The following CNTN5 variants were observed in gnomAD, a reference collection of about 807,000 sequenced individuals.
CNTN5 encodes the protein contactin-5.
Under a neutral mutation model 129.1 loss-of-function variants are expected in CNTN5, and 77 were observed. The observed-to-expected ratio is 0.60, with a 90% CI of 0.50 to 0.72. CNTN5 has a LOEUF of 0.72. Ranked by LOEUF, CNTN5 falls within the 30% of genes least tolerant of loss-of-function variation. The pLI is 0.00. For synonymous variants in CNTN5, 509 were observed against 465.6 expected (o/e 1.09, Z -1.20); for missense variants, 1,478 against 1,328.8 (o/e 1.11, Z -1.75).
At chr11:100,110,998 GT>G (rs1373356765) in intron 13 of CNTN5, among the ~76,000 whole-genome samples, 3 of 109,078 alleles carry the variant, frequency 2.8e-5, no homozygotes, top group African/African-American at 1.2e-4. Context: ...TTCTTGAAGT[GT>G]TAATGCAAAA....
At chr11:99,716,678 T>C (rs1955249632) in intron 3 of CNTN5, among the ~76,000 whole-genome samples, 1 of 152,064 alleles carries the variant, frequency 6.6e-6, no homozygotes. Flanking sequence ...AGAATTAATA[T>C]TGCAACCAGC....
intron 2 of CNTN5, among the ~76,000 whole-genome samples, chr11:99,505,076 C>T (rs896440768): frequency 1.3e-5 from 2 of 152,284 alleles, no homozygotes; most frequent in Non-Finnish European, 2.9e-5. Flanking sequence ...ATGGCCTCTT[C>T]TCAAGACTCA....
In CNTN5 at chr11:100,171,054, T is replaced by G. The variant is rs145918847; in HGVS notation, c.1581-20072T>G. Among the ~76,000 whole-genome samples the G allele has an allele frequency of 2.2e-3, 328 of 152,030 alleles. 1 individual carries two copies. The highest frequency in any genetic ancestry group is 7.5e-3 in the African/African-American group (312 of 41,486). ...TGTTATTGTACTGACTGCCACTGTA[T>G]TTTACAATGCCACACATAAAAGTTG... On this transcript the variant is annotated intron_variant, in intron 13 of 24. Transcript: ENST00000524871.
At chr11:100,138,704 TTGAG>T (rs1291407262) in intron 13 of CNTN5, among the ~76,000 whole-genome samples, 1 of 152,042 alleles carries the variant, frequency 6.6e-6, no homozygotes, top group African/African-American at 2.4e-5. Context: ...ATTTTTCACT[TTGAG>T]TGATATAGAA....
chr11:99,105,059 A>T (rs1430186381), intron 1 of CNTN5, among the ~76,000 whole-genome samples: 1 of 152,162 alleles, frequency 6.6e-6, no homozygotes, highest in Non-Finnish European at 1.5e-5. Context: ...TAGTCTCCTC[A>T]TCACTAAAAG....
intron 2 of CNTN5, among the ~76,000 whole-genome samples, chr11:99,438,612 T>A (rs1448272406): frequency 2.0e-5 from 3 of 152,146 alleles, no homozygotes; most frequent in African/African-American, 7.2e-5. Context: ...AATTTATAAA[T>A]ATATTTATGT....
At chr11:99,074,871 A>C (rs1865496478) in intron 1 of CNTN5, among the ~76,000 whole-genome samples, 1 of 152,228 alleles carries the variant, frequency 6.6e-6, no homozygotes, top group African/African-American at 2.4e-5. Context: ...CTTAAATTAC[A>C]ACATGTACCA....
Position 99,553,909 on chromosome 11 carries a change from A to C in CNTN5, c.-70-2236A>C, listed in dbSNP as rs146623311. On this transcript the variant is annotated intron_variant, in intron 2 of 24. Coordinates refer to ENST00000524871, the MANE Select transcript of CNTN5 (RefSeq NM_014361.4). ...AAGAAATATTATGTTGTGTGTATTT[A>C]AGAAATATTATTTTGTTTATGCCCT... Among the ~76,000 whole-genome samples the C allele has an allele frequency of 2.6e-5, 4 of 151,606 alleles. No homozygotes were observed. In the East Asian group the frequency reaches 7.8e-4, roughly 29 times the overall value.
At chr11:99,864,067 G>A (rs560984845) in intron 6 of CNTN5, among the ~76,000 whole-genome samples, 1 of 152,158 alleles carries the variant, frequency 6.6e-6, no homozygotes, top group Non-Finnish European at 1.5e-5. Flanking sequence ...GCTCACGGAT[G>A]TATCTCAAGT....
chr11:99,568,660 C>G (rs1284058366), intron 3 of CNTN5, among the ~76,000 whole-genome samples: 1 of 152,048 alleles, frequency 6.6e-6, no homozygotes, highest in Non-Finnish European at 1.5e-5. Context: ...TCTTGATCTC[C>G]TTTATATTAA....
intron 13 of CNTN5, among the ~76,000 whole-genome samples, chr11:100,167,980 G>A (rs1484712582): frequency 6.6e-6 from 1 of 151,908 alleles, no homozygotes; most frequent in Non-Finnish European, 1.5e-5. Flanking sequence ...GAAAATTCTG[G>A]TGGTCTAGGT....
chr11:99,909,294 T>TA (rs1323505821), intron 6 of CNTN5, among the ~76,000 whole-genome samples: 3 of 152,186 alleles, frequency 2.0e-5, no homozygotes, highest in South Asian at 2.1e-4. Flanking sequence ...TGGTGATCAT[T>TA]AAAAAATCAG....
chr11:100,015,710 C>T (rs1940785211), intron 9 of CNTN5, among the ~76,000 whole-genome samples: 1 of 151,898 alleles, frequency 6.6e-6, no homozygotes, highest in African/African-American at 2.4e-5. Flanking sequence ...TTTTAAAAAA[C>T]AATACAAATA....
chr11:99,351,125 A>G (rs1179634680), intron 2 of CNTN5, among the ~76,000 whole-genome samples: 1 of 152,106 alleles, frequency 6.6e-6, no homozygotes, highest in Non-Finnish European at 1.5e-5. Flanking sequence ...TAGGTAACAA[A>G]ACTGCATGTT....
At chr11:99,674,468 T>C (rs1248908843) in intron 3 of CNTN5, among the ~76,000 whole-genome samples, 4 of 152,178 alleles carry the variant, frequency 2.6e-5, no homozygotes, top group Non-Finnish European at 5.9e-5. Flanking sequence ...TAGATCTATG[T>C]GGGCATTTCT....
intron 3 of CNTN5, among the ~76,000 whole-genome samples, chr11:99,785,392 C>A (rs1945482491): frequency 6.6e-6 from 1 of 152,130 alleles, no homozygotes; most frequent in Non-Finnish European, 1.5e-5. Context: ...TGTGCAGAAG[C>A]TCTTTAGTTT....
intron 8 of CNTN5, among the ~76,000 whole-genome samples, chr11:99,958,938 G>A (rs1950872093): frequency 6.6e-6 from 1 of 152,136 alleles, no homozygotes; most frequent in Non-Finnish European, 1.5e-5. Flanking sequence ...CGATCACAAG[G>A]GAGAGTAGCA....
At chr11:99,818,577 A>G (rs894501896) in intron 3 of CNTN5, among the ~76,000 whole-genome samples, 1 of 152,240 alleles carries the variant, frequency 6.6e-6, no homozygotes, top group African/African-American at 2.4e-5. Context: ...GAGTCTTAGA[A>G]GTATTTCCAA....
At chr11:100,207,397 T>C (rs1948939605) in intron 15 of CNTN5, among the ~76,000 whole-genome samples, 1 of 152,174 alleles carries the variant, frequency 6.6e-6, no homozygotes, top group South Asian at 2.1e-4. Context: ...TTTTTCTTTA[T>C]ATACCTTACA....
Sources: allele counts gnomAD v4.1 joint callset (sites outside exome capture counted in the v4.1 genomes callset), GRCh38; gene constraint gnomAD v4.1.1; transcripts MANE v1.5; gene names NCBI Gene and HGNC (gene_info 2026-07-23, HGNC 2026-07-21).